TAFA1: variants seen among roughly 807,000 people sequenced by gnomAD.
TAFA1 encodes the protein TAFA chemokine like family member 1, also known as chemokine-like protein TAFA-1.
Under a neutral mutation model 18.5 loss-of-function variants are expected in TAFA1, and 4 were observed. The ratio of observed to expected loss-of-function variants is 0.22; its 90% CI spans 0.11 to 0.49. The LOEUF is 0.49. TAFA1 is among the 20% of genes least tolerant of loss of function. The pLI is 0.98. For missense variants in TAFA1, 147 were observed against 169.0 expected, an observed-to-expected ratio of 0.87 and a Z score of 0.72; for synonymous variants, 56 against 55.2, an observed-to-expected ratio of 1.01 and a Z score of -0.06.
intron 2 of TAFA1, among the ~76,000 whole-genome samples, chr3:68,370,486 A>ACG: frequency 1.1e-5 from 1 of 87,144 alleles, no homozygotes; most frequent in East Asian, 3.5e-4. Context: ...ATATATATAT[A>ACG]TATATATATA....
intron 2 of TAFA1, among the ~76,000 whole-genome samples, chr3:68,084,796 T>TAAA (rs764180966): frequency 8.2e-6 from 1 of 122,432 alleles, no homozygotes. Context: ...AGACTCCGTC[T>TAAA]AAAAAAAAAA....
At chr3:68,474,675 A>G (rs780989082) in intron 3 of TAFA1, among the ~76,000 whole-genome samples, 3 of 152,192 alleles carry the variant, frequency 2.0e-5, no homozygotes, top group Non-Finnish European at 4.4e-5. Context: ...TATCTCTCTA[A>G]CTATATTCCC....
intron 4 of TAFA1, among the ~76,000 whole-genome samples, chr3:68,539,676 T>TGG (rs1280970633): frequency 8.5e-4 from 3 of 3,538 alleles, no homozygotes; most frequent in Non-Finnish European, 1.3e-3. Flanking sequence ...TGTGTGTGTG[T>TGG]GTGGGGGGGC....
chr3:68,527,477 A>G (rs1182262371), intron 3 of TAFA1, among the ~76,000 whole-genome samples: 1 of 152,148 alleles, frequency 6.6e-6, no homozygotes. Flanking sequence ...CTTTTATATC[A>G]TAATATATAC....
intron 2 of TAFA1, among the ~76,000 whole-genome samples, chr3:68,359,980 G>A (rs530010501): frequency 6.6e-6 from 1 of 151,980 alleles, no homozygotes; most frequent in South Asian, 2.1e-4. Flanking sequence ...ATATGAAGTG[G>A]GGTCATGGGT....
chr3:68,284,176 T>C (rs772576144), intron 2 of TAFA1, among the ~76,000 whole-genome samples: 1 of 152,180 alleles, frequency 6.6e-6, no homozygotes, highest in Non-Finnish European at 1.5e-5. Flanking sequence ...TGAACTTCTA[T>C]TGATGTCAGA....
chr3:68,078,258 A>G, intron 2 of TAFA1, among the ~76,000 whole-genome samples: 1 of 152,024 alleles, frequency 6.6e-6, no homozygotes, highest in Non-Finnish European at 1.5e-5. Context: ...ATCTGCAAAC[A>G]GGGACAATTT....
chr3:68,409,895 C>G (rs1465667578), intron 2 of TAFA1, among the ~76,000 whole-genome samples: 1 of 152,136 alleles, frequency 6.6e-6, no homozygotes, highest in Non-Finnish European at 1.5e-5. Flanking sequence ...GCCAGTCATT[C>G]CTAACCTCTT....
At position 68,403,037 on chromosome 3, in the gene TAFA1, T is replaced by C. The variant is rs149264435; in HGVS notation, c.119-14243T>C. On this transcript the variant is annotated intron_variant, in intron 2 of 4. Transcript: ENST00000478136. ...ATAATACCATATTTTTACTGTACCT[T>C]TTCTATGTCTAGATAGATTTAGATA... is the stretch of plus-strand genomic sequence containing the variant. Among the ~76,000 whole-genome samples the C allele has an allele frequency of 6.6e-5, 10 of 152,316 alleles. No homozygotes were observed. In the East Asian group the frequency reaches 1.9e-3, roughly 29 times the overall value.
chr3:68,152,451 T>C (rs1311451212), intron 2 of TAFA1, among the ~76,000 whole-genome samples: 2 of 152,246 alleles, frequency 1.3e-5, no homozygotes, highest in East Asian at 3.9e-4. Context: ...TGCAAGTCAG[T>C]GAGCAAGACA....
intron 2 of TAFA1, among the ~76,000 whole-genome samples, chr3:68,097,526 G>A (rs190909682): frequency 6.6e-6 from 1 of 152,212 alleles, no homozygotes; most frequent in East Asian, 1.9e-4. Flanking sequence ...GTATTCTGTT[G>A]TCTCAAAGCA....
chr3:67,997,908 C>T, the TAFA1 span, among the ~76,000 whole-genome samples: 118,844 of 151,916 alleles, frequency 0.78, 47,231 homozygotes, highest in South Asian at 0.89. Flanking sequence ...GAAACAAAAG[C>T]ACAATACTTT....
intron 2 of TAFA1, among the ~76,000 whole-genome samples, chr3:68,273,109 A>G (rs941161929): frequency 6.6e-6 from 1 of 152,130 alleles, no homozygotes; most frequent in Non-Finnish European, 1.5e-5. Context: ...CAAGGAAACA[A>G]ATATTAATAC....
chr3:68,071,360 G>A (rs573545963), intron 2 of TAFA1, among the ~76,000 whole-genome samples: 14 of 152,288 alleles, frequency 9.2e-5, no homozygotes, highest in South Asian at 4.1e-4. Flanking sequence ...ACCTGCCCCC[G>A]TGATTCAACA....
intron 3 of TAFA1, among the ~76,000 whole-genome samples, chr3:68,483,350 T>A (rs1397274218): frequency 6.6e-6 from 1 of 152,218 alleles, no homozygotes; most frequent in East Asian, 1.9e-4. Flanking sequence ...AGGGAATTAA[T>A]CATAGACAAT....
chr3:68,022,148 AAAGTCACT>A (rs1168245937), intron 2 of TAFA1, among the ~76,000 whole-genome samples: 1 of 152,202 alleles, frequency 6.6e-6, no homozygotes, highest in Non-Finnish European at 1.5e-5. Context: ...TAAATTGTTG[AAAGTCACT>A]AAGGGTAGTT....
At chr3:68,417,202 C>A in intron 2 of TAFA1, 78 bp from the exon 3 acceptor site, 1 of 1,240,788 alleles carries the variant, frequency 8.1e-7, no homozygotes, top group Non-Finnish European at 1.2e-6. Context: ...TCCTCAACCC[C>A]GCTACATGCA....
chr3:68,019,756 A>C (rs1704647166), intron 2 of TAFA1, among the ~76,000 whole-genome samples: 1 of 152,162 alleles, frequency 6.6e-6, no homozygotes. Flanking sequence ...TCTTGTCATC[A>C]TCAAAAACAA....
intron 2 of TAFA1, among the ~76,000 whole-genome samples, chr3:68,041,477 A>AT (rs984334738): frequency 1.4e-4 from 21 of 151,890 alleles, no homozygotes; most frequent in African/African-American, 3.1e-4. Flanking sequence ...TAAAGGACAG[A>AT]TTTTTTTTTC....
Sources: allele counts gnomAD v4.1 joint callset (sites outside exome capture counted in the v4.1 genomes callset), GRCh38; gene constraint gnomAD v4.1.1; transcripts MANE v1.5; gene names NCBI Gene and HGNC (gene_info 2026-07-23, HGNC 2026-07-21).